Variants in TAC4 observed in about 807,000 individuals in gnomAD.
The protein encoded by TAC4 is tachykinin precursor 4.
Under a neutral mutation model 17.7 loss-of-function variants are expected in TAC4, and 17 were observed. The observed-to-expected ratio is 0.96, with a 90% CI of 0.66 to 1.44. The LOEUF is 1.44. Among genes scored for constraint, TAC4 ranks in the 40% most tolerant of loss-of-function variants. The pLI is 0.00. For missense variants in TAC4, 118 were observed against 125.6 expected (o/e 0.94, Z 0.29); for synonymous variants, 62 against 52.4 (o/e 1.18, Z -0.79).
chr17:49,846,010 A>G (rs969176182), intron 1 of TAC4: 2 of 249,430 alleles, frequency 8.0e-6, no homozygotes, highest in East Asian at 1.6e-4. Flanking sequence ...TGCCTTGGTA[A>G]GAGGCAGCCT....
chr17:49,840,659 C>CA (rs1159021791), intron 3 of TAC4, among the ~76,000 whole-genome samples: 1 of 152,026 alleles, frequency 6.6e-6, no homozygotes, highest in African/African-American at 2.4e-5. Context: ...CCCGCCACCA[C>CA]ACCGGACTAA....
At chr17:49,843,998 C>T in intron 2 of TAC4, 66 bp downstream of exon 2, 1 of 1,494,504 alleles carries the variant, frequency 6.7e-7, no homozygotes, top group Admixed American at 1.7e-5. Context: ...CTTAGGGCCT[C>T]TGCTTTATGT....
At position 49,839,899 on chromosome 17, in the gene TAC4, C is replaced by T. The variant is rs777726802; in HGVS notation, c.243G>A (p.Leu81=). The T allele has an allele frequency of 1.9e-6, 3 of 1,611,972 alleles. No homozygotes were observed. The highest frequency in any genetic ancestry group is 2.2e-5 in the South Asian group (2 of 90,382). The change falls in exon 4 of 5, where the codon CTG becomes CTA. Residue 81 remains leucine (L), a synonymous_variant. Coordinates refer to ENST00000436235, the MANE Select transcript of TAC4 (RefSeq NM_001077506.2). ...CCAGGAGGCCCTGGAACGTGTGTTC[C>T]AGCTGATATGCTGGTGGTGGGAGAG... The part of the protein sequence containing the change: ...IQPRRKKAYQ[L]EHTFQGLLGK...
At position 49,838,587 on chromosome 17, in the gene TAC4, A is replaced by G; in HGVS notation, c.*55T>C. Reference sequence around the variant, plus strand: ...GGCCTGCCGGCTTGTCAGCTGTGACATCCAGGTAGGAAGAAGCGGCACCGT... The same window carrying G: ...GGCCTGCCGGCTTGTCAGCTGTGACGTCCAGGTAGGAAGAAGCGGCACCGT... On this transcript the variant is annotated 3_prime_UTR_variant, in exon 5 of 5. Transcript: ENST00000436235. 6.2e-7 allele frequency: 1 copy of G among 1,611,260 alleles called. No individual in the cohort carries two copies. Among genetic ancestry groups the G allele is most frequent in the African/African-American group, 1.3e-5 (1 of 74,962 alleles).
Position 49,846,140 on chromosome 17 carries a change from G to A in TAC4, c.105+1773C>T, listed in dbSNP as rs1300419108. The A allele has an allele frequency of 2.0e-5, 24 of 1,179,322 alleles. No individual in the cohort carries two copies. The Middle Eastern group carries it at 6.8e-4, about 33-fold the overall frequency. The allele number at this position is 1,179,322 out of a possible 1,614,324, so 73.1% of individuals were successfully genotyped here. On this transcript the variant is annotated intron_variant, in intron 1 of 4. Transcript: ENST00000436235. ...GAGACATTGGTTTCCCATTCACTCC[G>A]ACAGGACTCCTGCCCCCAGCCGGAG...
At chr17:49,842,959 C>A (rs1339781080) in intron 2 of TAC4, among the ~76,000 whole-genome samples, 1 of 152,156 alleles carries the variant, frequency 6.6e-6, no homozygotes, top group Non-Finnish European at 1.5e-5. Context: ...TCTTTAATGG[C>A]CACAAGGGTT....
At chr17:49,847,399 T>G in intron 1 of TAC4, 1 of 633,222 alleles carries the variant, frequency 1.6e-6, no homozygotes, top group Admixed American at 3.7e-5. Flanking sequence ...TGGTCCTGTT[T>G]AAGTTGATCC....
chr17:49,847,723 ACACT>A, intron 1 of TAC4, 186 bp downstream of exon 1: 7 of 727,712 alleles, frequency 9.6e-6, no homozygotes, highest in Admixed American at 2.5e-5. Context: ...ACACACACAC[ACACT>A]TCGGAGGTCT....
At chr17:49,842,871 G>T (rs1365396200) in intron 2 of TAC4, among the ~76,000 whole-genome samples, 1 of 152,134 alleles carries the variant, frequency 6.6e-6, no homozygotes, top group East Asian at 1.9e-4. Flanking sequence ...CTTGAATATT[G>T]ATCTGTAACA....
At chr17:49,847,748 G>T in intron 1 of TAC4, 165 bp downstream of exon 1, 1 of 1,114,516 alleles carries the variant, frequency 9.0e-7, no homozygotes, top group Non-Finnish European at 1.3e-6. Flanking sequence ...GCCAGGCCAG[G>T]GCTCATAGCC....
Position 49,838,626 on chromosome 17 carries a change from T to C in TAC4, c.*16A>G. 1 of 1,613,320 alleles carries C rather than the reference T, an allele frequency of 6.2e-7. No individual in the cohort carries two copies. Among genetic ancestry groups the C allele is most frequent in the Non-Finnish European group, 8.5e-7 (1 of 1,179,734 alleles). ...AAGCGGCACCGTGTCCTCTGGGAAG[T>C]CTGTGGTGGGGGCTTTTACTCTGAA... On this transcript the variant is annotated 3_prime_UTR_variant, in exon 5 of 5. Transcript: ENST00000436235.
At chr17:49,842,524 C>A (rs756011820) in intron 2 of TAC4, among the ~76,000 whole-genome samples, 14 of 149,554 alleles carry the variant, frequency 9.4e-5, no homozygotes, top group Non-Finnish European at 1.8e-4. Context: ...TGTAAGACTC[C>A]ATCTCAAAAA....
At position 49,838,352 on chromosome 17, in the gene TAC4, A is replaced by G; in HGVS notation, c.*290T>C. ...CTACTGTGTGCTAGGCACAGGATAC[A>G]GAGTGTGCGAGTCTCCTCACTGCTG... On this transcript the variant is annotated 3_prime_UTR_variant, in exon 5 of 5. Coordinates refer to ENST00000436235, the MANE Select transcript of TAC4 (RefSeq NM_001077506.2). 1 of 515,186 alleles carries G rather than the reference A, an allele frequency of 1.9e-6. No individual in the cohort carries two copies. The highest frequency in any genetic ancestry group is 2.4e-5 in the South Asian group (1 of 41,352). 31.9% of individuals were successfully genotyped at this position (515,186 alleles called of 1,614,324 possible).
At position 49,841,612 on chromosome 17, in the gene TAC4, A is replaced by G. The variant is rs575372745; in HGVS notation, c.200-28T>C. 5.7e-5 allele frequency: 88 copies of G among 1,536,604 alleles called. 1 individual carries two copies. In the South Asian group the frequency reaches 1.1e-3, roughly 18 times the overall value. On this transcript the variant is annotated intron_variant, in intron 2 of 4. Coordinates refer to ENST00000436235, the MANE Select transcript of TAC4 (RefSeq NM_001077506.2). ...GGGGGAAGGAGAAGGAATGAGGACT[A>G]CGGACTGCACTGCTTCCCTGGGGGC...
At chr17:49,846,208 A>T (rs1567876048) in intron 1 of TAC4, 23 of 1,288,866 alleles carry the variant, frequency 1.8e-5, no homozygotes, top group Non-Finnish European at 2.3e-5. Flanking sequence ...TCCAGGGATG[A>T]CTACAGGTTG....
At chr17:49,841,124 G>A (rs2074494467) in intron 3 of TAC4, among the ~76,000 whole-genome samples, 1 of 151,708 alleles carries the variant, frequency 6.6e-6, no homozygotes, top group Non-Finnish European at 1.5e-5. Flanking sequence ...GACCTCAAGT[G>A]ATCTGGCTGC....
chr17:49,839,949 C>T (rs1034719651), intron 3 of TAC4, 40 bp from the exon 4 acceptor site: 14 of 1,600,852 alleles, frequency 8.7e-6, no homozygotes, highest in Admixed American at 5.1e-5. Context: ...AGAGAGGCAG[C>T]AGAGGTAGGC....
chr17:49,838,888 T>A (rs1408738358), intron 4 of TAC4, among the ~76,000 whole-genome samples: 3 of 152,142 alleles, frequency 2.0e-5, no homozygotes, highest in Non-Finnish European at 4.4e-5. Flanking sequence ...GAGCCCACCC[T>A]CAGTTACCCT....
intron 1 of TAC4, chr17:49,847,696 C>CACAG (rs1555609067): frequency 4.9e-5 from 13 of 264,884 alleles, no homozygotes; most frequent in Non-Finnish European, 7.1e-5. Context: ...CACACAGACA[C>CACAG]ACACACACAC....
Sources: gnomAD v4.1 joint callset for allele counts (sites outside exome capture counted in the v4.1 genomes callset) on GRCh38, gnomAD v4.1.1 for gene constraint, MANE v1.5 for transcripts, NCBI Gene and HGNC (gene_info 2026-07-23, HGNC 2026-07-21) for gene names.